Variants in THSD7B observed in about 807,000 individuals in gnomAD.
THSD7B encodes thrombospondin type 1 domain containing 7B.
In THSD7B, 138 loss-of-function variants were observed where a neutral mutation model predicts 213.6. The ratio of observed to expected loss-of-function variants is 0.65; its 90% CI spans 0.56 to 0.74. THSD7B has a LOEUF of 0.74. THSD7B is among the 30% of genes least tolerant of loss of function. THSD7B has a pLI of 0.00. For synonymous variants in THSD7B, 742 were observed against 687.0 expected (o/e 1.08, Z -1.25); for missense variants, 1,931 against 1,991.5 (o/e 0.97, Z 0.58).
chr2:136,868,985 C>T (rs1439840591), intron 1 of THSD7B, among the ~76,000 whole-genome samples: 1 of 152,004 alleles, frequency 6.6e-6, no homozygotes, highest in Non-Finnish European at 1.5e-5. Flanking sequence ...TATAATTAAC[C>T]TAAACTCCTC....
chr2:137,020,987 G>A (rs893894412), intron 2 of THSD7B, among the ~76,000 whole-genome samples: 1 of 152,250 alleles, frequency 6.6e-6, no homozygotes, highest in Non-Finnish European at 1.5e-5. Context: ...GCTATCTAGC[G>A]AACAATGCTT....
At chr2:136,778,968 CA>C in intron 1 of THSD7B, among the ~76,000 whole-genome samples, 1 of 152,246 alleles carries the variant, frequency 6.6e-6, no homozygotes. Context: ...CTCAGGCCAT[CA>C]AAATCATCCC....
intron 12 of THSD7B, among the ~76,000 whole-genome samples, chr2:137,397,177 A>G (rs561410874): frequency 2.6e-5 from 4 of 151,804 alleles, no homozygotes; most frequent in Admixed American, 1.3e-4. Context: ...TAAAGTTAAT[A>G]TTGTTATGTG....
intron 2 of THSD7B, among the ~76,000 whole-genome samples, chr2:136,917,399 T>C (rs1034818600): frequency 7.9e-5 from 12 of 152,184 alleles, no homozygotes; most frequent in Admixed American, 5.9e-4. Flanking sequence ...GATCGTTGCA[T>C]GGTTTAGTCT....
chr2:137,499,093 G>A (rs1056813504), intron 15 of THSD7B, among the ~76,000 whole-genome samples: 2 of 152,182 alleles, frequency 1.3e-5, no homozygotes, highest in African/African-American at 4.8e-5. Flanking sequence ...AAAACTCAGG[G>A]TAGGCTGTGT....
At chr2:136,956,347 T>G (rs1685123344) in intron 2 of THSD7B, among the ~76,000 whole-genome samples, 1 of 152,162 alleles carries the variant, frequency 6.6e-6, no homozygotes, top group African/African-American at 2.4e-5. Flanking sequence ...AGCATGGTGG[T>G]GTGTTTTGCA....
At chr2:137,624,770 A>G (rs1682591352) in intron 20 of THSD7B, among the ~76,000 whole-genome samples, 2 of 152,304 alleles carry the variant, frequency 1.3e-5, no homozygotes, top group Middle Eastern at 3.4e-3. Context: ...CAAAACCACA[A>G]TGAGATACCA....
chr2:137,313,221 T>G (rs533623716), intron 12 of THSD7B, among the ~76,000 whole-genome samples: 123 of 152,244 alleles, frequency 8.1e-4, no homozygotes, highest in African/African-American at 2.8e-3. Flanking sequence ...TTTAGGATAG[T>G]TAGCTCTTCT....
intron 13 of THSD7B, among the ~76,000 whole-genome samples, chr2:137,408,593 C>A (rs1476306497): frequency 6.6e-6 from 1 of 152,148 alleles, no homozygotes; most frequent in Non-Finnish European, 1.5e-5. Context: ...AACAAATTAC[C>A]ACAACATTGC....
chr2:137,140,194 A>G (rs988225431), intron 5 of THSD7B, among the ~76,000 whole-genome samples: 1 of 152,182 alleles, frequency 6.6e-6, no homozygotes, highest in East Asian at 1.9e-4. Flanking sequence ...TACATGCAGA[A>G]TATTTTTTCA....
chr2:137,516,607 A>G (rs555961636), intron 15 of THSD7B, among the ~76,000 whole-genome samples: 2 of 152,314 alleles, frequency 1.3e-5, no homozygotes, highest in Non-Finnish European at 2.9e-5. Context: ...TATGAAGGTC[A>G]GGTAATTTAT....
At chr2:137,229,570 T>C (rs1213565094) in intron 7 of THSD7B, among the ~76,000 whole-genome samples, 1 of 152,196 alleles carries the variant, frequency 6.6e-6, no homozygotes, top group Non-Finnish European at 1.5e-5. Context: ...TGCACTATCT[T>C]CTCCTTCAGG....
chr2:137,481,759 T>C (rs1003086996), intron 15 of THSD7B, among the ~76,000 whole-genome samples: 10 of 152,182 alleles, frequency 6.6e-5, no homozygotes, highest in African/African-American at 1.9e-4. Flanking sequence ...ATATTAAACA[T>C]TGGAGAATAC....
At chr2:137,472,602 C>T (rs553287055) in intron 15 of THSD7B, among the ~76,000 whole-genome samples, 98 of 152,212 alleles carry the variant, frequency 6.4e-4, no homozygotes, top group African/African-American at 2.2e-3. Context: ...TCTTTTACAA[C>T]GGGTTGTTTT....
At chr2:137,252,277 A>AC (rs1224869788) in intron 10 of THSD7B, among the ~76,000 whole-genome samples, 14 of 150,568 alleles carry the variant, frequency 9.3e-5, no homozygotes, top group Non-Finnish European at 1.9e-4. Context: ...AAAAAAAAAA[A>AC]AAAAAAAAAA....
At chr2:136,909,942 G>GC in intron 2 of THSD7B, among the ~76,000 whole-genome samples, 1 of 152,136 alleles carries the variant, frequency 6.6e-6, no homozygotes, top group South Asian at 2.1e-4. Context: ...TCCTGAGAGT[G>GC]TAATAGCCTA....
chr2:137,587,289 C>T (rs1219822016), intron 17 of THSD7B, among the ~76,000 whole-genome samples: 2 of 152,160 alleles, frequency 1.3e-5, no homozygotes, highest in African/African-American at 2.4e-5. Flanking sequence ...AAACTTCCTC[C>T]TTTAGCTCGG....
intron 14 of THSD7B, among the ~76,000 whole-genome samples, chr2:137,423,402 C>A (rs1037011630): frequency 5.3e-5 from 8 of 151,962 alleles, no homozygotes; most frequent in African/African-American, 1.4e-4. Flanking sequence ...TAAGAACCAC[C>A]CTCAGAAAGA....
chr2:137,091,641 G>C (rs867096656), intron 3 of THSD7B, among the ~76,000 whole-genome samples: 1 of 151,772 alleles, frequency 6.6e-6, no homozygotes, highest in Non-Finnish European at 1.5e-5. Flanking sequence ...CTGCCCTCCC[G>C]CTGTGTCTTC....
Sources: gnomAD v4.1 joint callset for allele counts (sites outside exome capture counted in the v4.1 genomes callset) on GRCh38, gnomAD v4.1.1 for gene constraint, MANE v1.5 for transcripts, NCBI Gene and HGNC (gene_info 2026-07-23, HGNC 2026-07-21) for gene names.